CRB1: variants seen among roughly 807,000 people sequenced by gnomAD.
CRB1 encodes protein crumbs homolog 1.
Under a neutral mutation model 120.0 loss-of-function variants are expected in CRB1, and 83 were observed. The ratio of observed to expected loss-of-function variants is 0.69; its 90% CI spans 0.58 to 0.83. The LOEUF (loss-of-function observed/expected upper bound fraction) is 0.83, where lower values mean the gene tolerates loss of function less well. CRB1 is among the 40% of genes least tolerant of loss of function. The pLI is 0.00. For synonymous variants in CRB1, 625 were observed against 612.5 expected (o/e 1.02, Z -0.30); for missense variants, 1,699 against 1,687.6 (o/e 1.01, Z -0.12).
intron 1 of CRB1, among the ~76,000 whole-genome samples, chr1:197,278,177 G>A (rs1410150039): frequency 6.6e-6 from 1 of 151,834 alleles, no homozygotes; most frequent in Non-Finnish European, 1.5e-5. Context: ...CCTTTGGTAG[G>A]GGATTAGGTC....
intron 11 of CRB1, among the ~76,000 whole-genome samples, chr1:197,453,543 G>C (rs55633080): frequency 9.0e-6 from 1 of 111,068 alleles, no homozygotes; most frequent in African/African-American, 3.4e-5. Context: ...TATATATAGA[G>C]AGAGAGACAG....
chr1:197,366,383 T>C (rs1230705283), intron 5 of CRB1, among the ~76,000 whole-genome samples: 2 of 152,194 alleles, frequency 1.3e-5, no homozygotes, highest in African/African-American at 4.8e-5. Flanking sequence ...ATAGTACATT[T>C]ACTGACAGCT....
chr1:197,307,668 T>G (rs1288642886), intron 1 of CRB1, among the ~76,000 whole-genome samples: 1 of 152,216 alleles, frequency 6.6e-6, no homozygotes, highest in Non-Finnish European at 1.5e-5. Flanking sequence ...GGAACAGAAA[T>G]GTCCATTATC....
intron 2 of CRB1, among the ~76,000 whole-genome samples, chr1:197,334,155 C>A (rs1309102118): frequency 6.6e-6 from 1 of 152,152 alleles, no homozygotes; most frequent in African/African-American, 2.4e-5. Context: ...CCATGTGATG[C>A]TGATGCTGTT....
intron 5 of CRB1, among the ~76,000 whole-genome samples, chr1:197,374,097 A>T (rs748512021): frequency 6.6e-6 from 1 of 152,132 alleles, no homozygotes; most frequent in Admixed American, 6.5e-5. Flanking sequence ...CAGTTTCTAG[A>T]TTAGAAACAT....
intron 1 of CRB1, among the ~76,000 whole-genome samples, chr1:197,301,952 A>G (rs1267733882): frequency 6.6e-6 from 1 of 152,214 alleles, no homozygotes; most frequent in Non-Finnish European, 1.5e-5. Context: ...AAATAGCAAC[A>G]AAGATTTTAG....
chr1:197,412,661 G>T (rs1446696382), intron 5 of CRB1, among the ~76,000 whole-genome samples: 1 of 152,098 alleles, frequency 6.6e-6, no homozygotes, highest in African/African-American at 2.4e-5. Context: ...GGTCCTCAAG[G>T]CTGTTGTCTG....
At chr1:197,451,948 T>A (rs999333754) in intron 11 of CRB1, among the ~76,000 whole-genome samples, 1 of 152,184 alleles carries the variant, frequency 6.6e-6, no homozygotes, top group African/African-American at 2.4e-5. Flanking sequence ...TTTTGACTGA[T>A]AAAAATGACA....
Position 197,435,332 on chromosome 1 carries a change from A to T in CRB1, c.3469A>T (p.Ile1157Phe), listed in dbSNP as rs1251388318. Reference sequence around the variant, plus strand: ...TTTGCATGGAGGAAACTGTGAAGACATCTATAGCTCTTATCATTGCTCCTG... The same window carrying T: ...TTTGCATGGAGGAAACTGTGAAGACTTCTATAGCTCTTATCATTGCTCCTG... The part of the protein sequence containing the change: ...PCLHGGNCED[I>F]YSSYHCSCPL... Residue 1157 changes from isoleucine to phenylalanine, a missense_variant, in exon 9 of 12, where the codon ATC (isoleucine) becomes TTC (phenylalanine). By Grantham distance (21) the Ile-to-Phe change is conservative. Transcript: ENST00000367400. 1 of 1,613,698 alleles carries T rather than the reference A, an allele frequency of 6.2e-7. No homozygotes were observed.
intron 6 of CRB1, among the ~76,000 whole-genome samples, chr1:197,426,407 A>G (rs76777947): frequency 2.6e-5 from 4 of 152,122 alleles, no homozygotes; most frequent in East Asian, 3.9e-4. Context: ...TCTCTACCTG[A>G]CATTTTATAC....
At chr1:197,325,293 T>A (rs1009985437) in intron 1 of CRB1, among the ~76,000 whole-genome samples, 1 of 152,184 alleles carries the variant, frequency 6.6e-6, no homozygotes, top group Non-Finnish European at 1.5e-5. Context: ...TCTCATAAAT[T>A]GGCATTCTTA....
At chr1:197,255,965 T>TTATATATATATATATATATATATA in the CRB1 span, among the ~76,000 whole-genome samples, 7 of 85,340 alleles carry the variant, frequency 8.2e-5, no homozygotes, top group Non-Finnish European at 1.3e-4. Flanking sequence ...ATAGAACATT[T>TTATATATATATATATATATATATA]TATATATATA....
chr1:197,443,646 T>A (rs1665565554), intron 11 of CRB1: 1 of 151,890 alleles, frequency 6.6e-6, no homozygotes, highest in Non-Finnish European at 1.5e-5. Flanking sequence ...CAGAAAAAAA[T>A]ATGAAAGCAT....
At chr1:197,395,771 G>T (rs893539859) in intron 5 of CRB1, among the ~76,000 whole-genome samples, 1 of 151,850 alleles carries the variant, frequency 6.6e-6, no homozygotes, top group Non-Finnish European at 1.5e-5. Flanking sequence ...CATAGATACA[G>T]AAAAAAATGC....
the CRB1 span, among the ~76,000 whole-genome samples, chr1:197,215,414 A>G: frequency 6.6e-6 from 1 of 151,698 alleles, no homozygotes; most frequent in African/African-American, 2.4e-5. Flanking sequence ...AGTAGCTGGC[A>G]TAATAGGCAT....
In CRB1 at chr1:197,459,435, C is replaced by G. The variant is rs528887036; in HGVS notation, c.4005+17143C>G. Among the ~76,000 whole-genome samples the G allele has an allele frequency of 5.9e-5, 9 of 152,176 alleles. No individual in the cohort carries two copies. In the South Asian group the frequency reaches 1.9e-3, roughly 32 times the overall value. On this transcript the variant is annotated intron_variant, in intron 11 of 11. Transcript: ENST00000367400. ...TACTGGAGGCTGGGAACTTCAAGAC[C>G]AACTAACCAGCAGATTTAGTGTCTG...
At chr1:197,293,659 A>T (rs950371385) in intron 1 of CRB1, among the ~76,000 whole-genome samples, 4 of 152,166 alleles carry the variant, frequency 2.6e-5, no homozygotes, top group African/African-American at 9.7e-5. Flanking sequence ...CTGACTTCAG[A>T]CTATACTACA....
intron 1 of CRB1, among the ~76,000 whole-genome samples, chr1:197,311,677 C>G (rs551080613): frequency 1.3e-5 from 2 of 148,620 alleles, no homozygotes; most frequent in African/African-American, 5.0e-5. Flanking sequence ...TTAGTTAACA[C>G]ATGCATCACC....
At chr1:197,351,187 C>CAA (rs780090689) in intron 4 of CRB1, among the ~76,000 whole-genome samples, 87 of 85,368 alleles carry the variant, frequency 1.0e-3, no homozygotes, top group African/African-American at 2.5e-3. Context: ...ACTAAAAATA[C>CAA]AAAAAAAAAA....
Sources: gnomAD v4.1 joint callset for allele counts (sites outside exome capture counted in the v4.1 genomes callset) on GRCh38, gnomAD v4.1.1 for gene constraint, MANE v1.5 for transcripts, NCBI Gene and HGNC (gene_info 2026-07-23, HGNC 2026-07-21) for gene names.